The following CELF2 variants were observed in gnomAD, a reference collection of about 807,000 sequenced individuals.
CELF2 encodes the protein CUGBP Elav-like family member 2.
In CELF2, 8 loss-of-function variants were observed where a neutral mutation model predicts 62.6. The ratio of observed to expected loss-of-function variants is 0.13; its 90% confidence interval spans 0.07 to 0.23. The LOEUF (loss-of-function observed/expected upper bound fraction) is 0.23. CELF2 is among the 10% of genes least tolerant of loss of function. CELF2 has a pLI of 1.00. For missense variants in CELF2, 333 were observed against 671.0 expected (o/e 0.50, Z 5.56); for synonymous variants, 258 against 250.0 (o/e 1.03, Z -0.30).
intron 1 of CELF2, among the ~76,000 whole-genome samples, chr10:11,082,103 C>CAT (rs1336472221): frequency 6.6e-6 from 1 of 152,054 alleles, no homozygotes; most frequent in Non-Finnish European, 1.5e-5. Flanking sequence ...ACCCAGAGTC[C>CAT]TGTGGAGGGC....
the CELF2 span, among the ~76,000 whole-genome samples, chr10:10,674,688 A>G: frequency 6.6e-6 from 1 of 152,222 alleles, no homozygotes; most frequent in Non-Finnish European, 1.5e-5. Flanking sequence ...GATTAGTTAT[A>G]CTTTTTTTCT....
intron 1 of CELF2, among the ~76,000 whole-genome samples, chr10:10,876,884 A>T (rs910682703): frequency 6.6e-6 from 1 of 152,212 alleles, no homozygotes; most frequent in African/African-American, 2.4e-5. Context: ...ATGTGTGTGC[A>T]TGTGTGTTTG....
At chr10:10,980,114 T>C (rs1022958242) in intron 2 of CELF2, among the ~76,000 whole-genome samples, 4 of 152,144 alleles carry the variant, frequency 2.6e-5, no homozygotes, top group Non-Finnish European at 4.4e-5. Flanking sequence ...GAAGGAAGAA[T>C]GCAAGGAACA....
Position 11,165,449 on chromosome 10 carries a change from C to T in CELF2, c.75-37C>T, listed in dbSNP as rs1305426923. ...TTTTTTCTTCCTGTCCCTCATCGTG[C>T]CGCCCTAACTCTGGCTCCCGGTTCC... On this transcript the variant is annotated intron_variant, in intron 1 of 12. Transcript: ENST00000633077. The surrounding 1 kb of genome is among the most constrained non-coding windows in gnomAD (Gnocchi z 7.4). 6.9e-6 allele frequency: 11 copies of T among 1,595,422 alleles called. No homozygotes were observed. The highest frequency in any genetic ancestry group is 1.4e-5 in the African/African-American group (1 of 74,026).
At chr10:11,026,371 C>T (rs1408237443) in intron 1 of CELF2, among the ~76,000 whole-genome samples, 1 of 152,162 alleles carries the variant, frequency 6.6e-6, no homozygotes, top group African/African-American at 2.4e-5. Flanking sequence ...TAAATACCTA[C>T]CCGCCTCCCC....
rs531240847 is a variant in CELF2 at position 11,222,043 on chromosome 10, C to T, written c.354+4536C>T. Reference sequence around the variant, plus strand: ...AGTGAATGGGCCCCTTCCTGGCCTGCCCTGGAAGAGATAATGGACCAGTGT... The same window carrying T: ...AGTGAATGGGCCCCTTCCTGGCCTGTCCTGGAAGAGATAATGGACCAGTGT... On this transcript the variant is annotated intron_variant, in intron 3 of 12. Coordinates refer to ENST00000633077, the MANE Select transcript of CELF2 (RefSeq NM_001326342.2). 1.1e-4 allele frequency among the ~76,000 whole-genome samples: 17 copies of T among 152,306 alleles called. No homozygotes were observed. In the South Asian group the frequency reaches 3.1e-3, roughly 28 times the overall value.
chr10:10,556,147 G>A, the CELF2 span, among the ~76,000 whole-genome samples: 2 of 152,002 alleles, frequency 1.3e-5, no homozygotes, highest in Non-Finnish European at 2.9e-5. Context: ...TCGTCATCTA[G>A]CATTAGGTAT....
At chr10:10,750,654 A>C in the CELF2 span, among the ~76,000 whole-genome samples, 1 of 152,268 alleles carries the variant, frequency 6.6e-6, no homozygotes, top group Admixed American at 6.5e-5. Context: ...ACGCAAATAC[A>C]CATGTGTGTA....
chr10:11,103,271 C>G (rs923526017), intron 1 of CELF2, among the ~76,000 whole-genome samples: 10 of 151,964 alleles, frequency 6.6e-5, no homozygotes, highest in Admixed American at 5.9e-4. Flanking sequence ...AGCTTCTGTT[C>G]GTCATTCAAG....
At chr10:11,272,765 G>A (rs1419840398) in intron 7 of CELF2, among the ~76,000 whole-genome samples, 2 of 152,202 alleles carry the variant, frequency 1.3e-5, no homozygotes, top group African/African-American at 4.8e-5. Flanking sequence ...GCTGCCTTGA[G>A]TGATAGATTC....
At chr10:10,716,497 C>T in the CELF2 span, among the ~76,000 whole-genome samples, 5 of 152,294 alleles carry the variant, frequency 3.3e-5, no homozygotes, top group South Asian at 8.3e-4. Flanking sequence ...GCTGAGATCA[C>T]ACCACTGTAC....
chr10:10,978,481 T>C (rs1396713286), intron 2 of CELF2, among the ~76,000 whole-genome samples: 1 of 152,210 alleles, frequency 6.6e-6, no homozygotes, highest in Non-Finnish European at 1.5e-5. Context: ...ATATAGCCCA[T>C]GTAGTACTTA....
At chr10:11,022,445 A>AT (rs1443377940) in intron 1 of CELF2, among the ~76,000 whole-genome samples, 2 of 152,194 alleles carry the variant, frequency 1.3e-5, no homozygotes, top group Non-Finnish European at 2.9e-5. Flanking sequence ...GAAAGACAAG[A>AT]TAAAAAGGTG....
At position 11,328,940 on chromosome 10, in the gene CELF2, G is replaced by T; in HGVS notation, c.1453G>T (p.Asp485Tyr). Residue 485 changes from aspartate (D) to tyrosine (Y), a missense_variant, in exon 13 of 13, where the codon GAC (aspartate) becomes TAC (tyrosine). Transcript: ENST00000633077. This position sits in a 1 kb window ranked among gnomAD's most constrained non-coding sequence, Gnocchi z 6.4. Reference sequence around the variant, plus strand: ...GTATTTTCCAGGTTTTGTTAGCTACGACAATCCAGTCTCTGCACAAGCTGC... The same window carrying T: ...GTATTTTCCAGGTTTTGTTAGCTACTACAATCCAGTCTCTGCACAAGCTGC... ...LSKCFGFVSYDNPVSAQAAIQ... is the reference protein window; with the variant it reads ...LSKCFGFVSYYNPVSAQAAIQ... 1 of 1,611,436 alleles carries T rather than the reference G, an allele frequency of 6.2e-7. No individual in the cohort carries two copies. The highest frequency in any genetic ancestry group is 1.1e-5 in the South Asian group (1 of 90,906).
At chr10:10,969,416 T>G (rs114930667) in intron 2 of CELF2, among the ~76,000 whole-genome samples, 1,539 of 152,312 alleles carry the variant, frequency 0.01, 19 homozygotes, top group African/African-American at 0.034. Context: ...AGAAGGCATA[T>G]TTTATCATAT....
At chr10:10,719,208 T>G in the CELF2 span, among the ~76,000 whole-genome samples, 2 of 152,142 alleles carry the variant, frequency 1.3e-5, no homozygotes, top group South Asian at 4.2e-4. Context: ...TCCACCCACC[T>G]CGGCTTCTCA....
At chr10:10,799,277 C>G (rs1313104123) in intron 1 of CELF2, among the ~76,000 whole-genome samples, 1 of 151,942 alleles carries the variant, frequency 6.6e-6, no homozygotes. Context: ...GTCAGGAGTT[C>G]GAGACCAGCC....
Position 11,280,375 on chromosome 10 carries a change from T to A in CELF2, c.841+5255T>A, listed in dbSNP as rs1368512255. ...GAGGGAACCTCTGTCCTCACCCAGA[T>A]GCCCTGGCTGGTGTCCGCACATCAG... is the stretch of plus-strand genomic sequence containing the variant. On this transcript the variant is annotated intron_variant, in intron 8 of 12. Coordinates refer to ENST00000633077, the MANE Select transcript of CELF2 (RefSeq NM_001326342.2). This position sits in a 1 kb window ranked among gnomAD's most constrained non-coding sequence, Gnocchi z 7.6. Among the ~76,000 whole-genome samples the A allele has an allele frequency of 6.6e-6, 1 of 152,170 alleles. No individual in the cohort carries two copies. Among genetic ancestry groups the A allele is most frequent in the African/African-American group, 2.4e-5 (1 of 41,454 alleles).
intron 1 of CELF2, among the ~76,000 whole-genome samples, chr10:11,109,188 G>A (rs7070247): frequency 0.2 from 30,059 of 152,144 alleles, 3,323 homozygotes; most frequent in Non-Finnish European, 0.26. Context: ...AGTAAGTTAC[G>A]GATCCAGCAT....
Sources: gnomAD v4.1 joint callset for allele counts (sites outside exome capture counted in the v4.1 genomes callset) on GRCh38, gnomAD v4.1.1 for gene constraint, Gnocchi (gnomAD v3.1) non-coding constraint, MANE v1.5 for transcripts, NCBI Gene and HGNC (gene_info 2026-07-23, HGNC 2026-07-21) for gene names.